The following TEX2 variants were observed in gnomAD, a reference collection of about 807,000 sequenced individuals.
TEX2 encodes the protein testis-expressed protein 2.
In TEX2, 53 loss-of-function variants were observed where a neutral mutation model predicts 106.9. The observed-to-expected ratio is 0.50, with a 90% CI of 0.40 to 0.62. The LOEUF (loss-of-function observed/expected upper bound fraction) is 0.62. Ranked by LOEUF, TEX2 falls within the 20% of genes least tolerant of loss-of-function variation. The pLI is 0.00. For missense variants in TEX2, 1,207 were observed against 1,379.0 expected (o/e 0.88, Z 1.98); for synonymous variants, 523 against 534.8 (o/e 0.98, Z 0.30).
intron 1 of TEX2, among the ~76,000 whole-genome samples, chr17:64,234,891 A>AT (rs555233825): frequency 6.5e-4 from 98 of 150,252 alleles, no homozygotes; most frequent in African/African-American, 1.7e-3. Context: ...AAATACAGGT[A>AT]TTTTTTTTTT....
At chr17:64,229,083 G>C (rs2033592734) in intron 1 of TEX2, among the ~76,000 whole-genome samples, 1 of 142,894 alleles carries the variant, frequency 7.0e-6, no homozygotes, top group Admixed American at 6.7e-5. Context: ...TTTAAAAGCT[G>C]TGTTTCCATA....
chr17:64,231,009 T>C (rs899908029), intron 1 of TEX2, among the ~76,000 whole-genome samples: 4 of 152,230 alleles, frequency 2.6e-5, no homozygotes, highest in Admixed American at 1.3e-4. Flanking sequence ...CTTTCCAGAC[T>C]TGTCTTGCTC....
chr17:64,231,734 C>A (rs1555634661), intron 1 of TEX2, among the ~76,000 whole-genome samples: 6 of 152,204 alleles, frequency 3.9e-5, no homozygotes. Flanking sequence ...TAAACAGACC[C>A]AGCTTTGGAT....
intron 2 of TEX2, among the ~76,000 whole-genome samples, chr17:64,203,984 A>G (rs2032752788): frequency 6.6e-6 from 1 of 152,252 alleles, no homozygotes; most frequent in African/African-American, 2.4e-5. Flanking sequence ...ATAGAATAGG[A>G]GATAACGTGG....
intron 1 of TEX2, among the ~76,000 whole-genome samples, chr17:64,229,778 A>G (rs1191958319): frequency 6.6e-6 from 1 of 152,218 alleles, no homozygotes; most frequent in Admixed American, 6.5e-5. Flanking sequence ...AGCTATAATA[A>G]ACTGTAAAGC....
At chr17:64,152,900 G>A (rs2030425109) in intron 10 of TEX2, 45 bp downstream of exon 10, 1 of 1,567,280 alleles carries the variant, frequency 6.4e-7, no homozygotes, top group Non-Finnish European at 8.7e-7. Flanking sequence ...CTGTGGCCAT[G>A]CAATAGGAGG....
chr17:64,188,093 T>A, intron 5 of TEX2, 75 bp downstream of exon 5: 1 of 1,531,152 alleles, frequency 6.5e-7, no homozygotes, highest in Non-Finnish European at 8.8e-7. Context: ...ACAACAGGGC[T>A]TCGGAGCACT....
chr17:64,215,788 T>G (rs2033169078), intron 1 of TEX2, among the ~76,000 whole-genome samples: 1 of 152,222 alleles, frequency 6.6e-6, no homozygotes, highest in Admixed American at 6.5e-5. Context: ...GGCTTGCTTA[T>G]TTCTTTAATT....
chr17:64,251,640 A>C (rs2034094293), intron 1 of TEX2, among the ~76,000 whole-genome samples: 1 of 152,178 alleles, frequency 6.6e-6, no homozygotes, highest in Non-Finnish European at 1.5e-5. Context: ...CCTGATGAGC[A>C]CTGGCAGGCT....
rs1457057114 is a variant in TEX2, at chr17:64,153,638, C to G, written c.2931-484G>C. On this transcript the variant is annotated intron_variant, in intron 9 of 11. Coordinates refer to ENST00000584379, the MANE Select transcript of TEX2 (RefSeq NM_001288732.2). This position sits in a 1 kb window ranked among gnomAD's most constrained non-coding sequence, Gnocchi z 4.1. ...CATGCTGCATCAATAGGACATAAAT[C>G]AGTAATTAATGGACTGTCTTTAGGT... 6.6e-6 allele frequency among the ~76,000 whole-genome samples: 1 copy of G among 152,200 alleles called. No homozygotes were observed. The highest frequency in any genetic ancestry group is 2.4e-5 in the African/African-American group (1 of 41,450).
At chr17:64,255,605 C>A (rs1555637580) in intron 1 of TEX2, 1 of 152,124 alleles carries the variant, frequency 6.6e-6, no homozygotes, top group Non-Finnish European at 1.5e-5. Flanking sequence ...AAAACTTAGT[C>A]AATTATATAC....
intron 5 of TEX2, among the ~76,000 whole-genome samples, chr17:64,180,595 A>G (rs2031815118): frequency 6.6e-6 from 1 of 152,250 alleles, no homozygotes; most frequent in Non-Finnish European, 1.5e-5. Context: ...TAAAGAAACA[A>G]TGTGCATACA....
chr17:64,213,922 G>A lies in TEX2; in HGVS notation c.296C>T (p.Ser99Phe), dbSNP rs782338359. The A allele has an allele frequency of 7.4e-6, 12 of 1,614,250 alleles. No individual in the cohort carries two copies. In the South Asian group the frequency reaches 1.3e-4, roughly 18 times the overall value. Residue 99 changes from serine (S) to phenylalanine (F), a missense_variant, in exon 2 of 12, where the codon TCC becomes TTC. Physicochemically the swap from Ser to Phe is radical, Grantham distance 155 (BLOSUM62 -2). Coordinates refer to ENST00000584379, the MANE Select transcript of TEX2 (RefSeq NM_001288732.2). This position sits in a 1 kb window ranked among gnomAD's most constrained non-coding sequence, Gnocchi z 4.4. ...AASPVLADGLSVSQAPAILPV... is the reference protein window; with the variant it reads ...AASPVLADGLFVSQAPAILPV... The stretch of plus-strand genomic sequence containing the variant: ...CAAAATGGCAGGGGCCTGGGACACG[G>A]ACAGTCCATCTGCCAGGACAGGCGA...
chr17:64,254,230 C>A (rs1222234802), intron 1 of TEX2, among the ~76,000 whole-genome samples: 3 of 152,326 alleles, frequency 2.0e-5, no homozygotes, highest in East Asian at 1.9e-4. Context: ...GGTCTTTGAG[C>A]CTTGCTCTTA....
chr17:64,220,840 G>A (rs2033339426), intron 1 of TEX2, among the ~76,000 whole-genome samples: 1 of 152,080 alleles, frequency 6.6e-6, no homozygotes. Context: ...ACCCAGCAAT[G>A]CCATTACTGG....
At chr17:64,165,023 C>T (rs1246576756) in intron 7 of TEX2, among the ~76,000 whole-genome samples, 1 of 152,242 alleles carries the variant, frequency 6.6e-6, no homozygotes. Flanking sequence ...CACACCTGAA[C>T]TTGGTCCTCA....
intron 1 of TEX2, among the ~76,000 whole-genome samples, chr17:64,241,041 G>A (rs997960434): frequency 1.3e-5 from 2 of 152,204 alleles, no homozygotes; most frequent in Admixed American, 6.5e-5. Flanking sequence ...GCCAACAGCC[G>A]CAATCCTTCA....
chr17:64,181,112 A>AAAT (rs2031837004), intron 5 of TEX2, among the ~76,000 whole-genome samples: 11 of 151,890 alleles, frequency 7.2e-5, no homozygotes, highest in Admixed American at 7.2e-4. Flanking sequence ...ACATTATTTA[A>AAAT]AACAGTTTTA....
chr17:64,170,258 T>C (rs1165312151), intron 7 of TEX2, among the ~76,000 whole-genome samples: 1 of 152,256 alleles, frequency 6.6e-6, no homozygotes, highest in Admixed American at 6.5e-5. Flanking sequence ...TTGAATATAC[T>C]GTACGTCTTC....
Sources: allele counts gnomAD v4.1 joint callset (sites outside exome capture counted in the v4.1 genomes callset), GRCh38; gene constraint gnomAD v4.1.1; non-coding constraint Gnocchi (gnomAD v3.1); transcripts MANE v1.5; gene names NCBI Gene and HGNC (gene_info 2026-07-23, HGNC 2026-07-21).